Variants in PPP2R2C observed in about 807,000 individuals in gnomAD.
PPP2R2C encodes the protein protein phosphatase 2, regulatory subunit B, gamma.
In PPP2R2C, 10 loss-of-function variants were observed where a neutral mutation model predicts 45.3. The ratio of observed to expected loss-of-function variants is 0.22; its 90% CI spans 0.14 to 0.37. PPP2R2C has a LOEUF of 0.37. Ranked by LOEUF, PPP2R2C falls within the 10% of genes least tolerant of loss-of-function variation. The pLI is 1.00. For synonymous variants in PPP2R2C, 257 were observed against 245.4 expected (o/e 1.05, Z -0.44); for missense variants, 308 against 619.7 (o/e 0.50, Z 5.34).
chr4:6,550,331 G>T (rs988503065), intron 1 of PPP2R2C, among the ~76,000 whole-genome samples: 2 of 151,432 alleles, frequency 1.3e-5, no homozygotes, highest in Admixed American at 6.6e-5. Flanking sequence ...AGTGCCCTCA[G>T]GCCAGCACAT....
intron 1 of PPP2R2C, among the ~76,000 whole-genome samples, chr4:6,469,883 C>T (rs1301978888): frequency 6.6e-6 from 1 of 152,254 alleles, no homozygotes; most frequent in Non-Finnish European, 1.5e-5. Flanking sequence ...CTGCTCTCTG[C>T]ATCCGCAGCA....
intron 2 of PPP2R2C, among the ~76,000 whole-genome samples, chr4:6,512,234 TGGTGGG>T (rs1230256767): frequency 8.7e-5 from 8 of 91,464 alleles, no homozygotes; most frequent in South Asian, 8.4e-4. Flanking sequence ...GTGGTGGTGA[TGGTGGG>T]GGTGGTGGTG....
chr4:6,547,645 C>T (rs555717714), intron 1 of PPP2R2C, among the ~76,000 whole-genome samples: 1 of 152,148 alleles, frequency 6.6e-6, no homozygotes, highest in East Asian at 1.9e-4. Flanking sequence ...GCCATAGATA[C>T]ACCCAGAAGG....
exon 2 of PPP2R2C, chr4:6,535,322 T>C: frequency 6.5e-7 from 1 of 1,535,376 alleles, no homozygotes; most frequent in Non-Finnish European, 8.7e-7. Context: ...TCACGCATCC[T>C]GAGAGAGGTG....
At chr4:6,527,978 C>T (rs890880085) in intron 2 of PPP2R2C, among the ~76,000 whole-genome samples, 6 of 152,350 alleles carry the variant, frequency 3.9e-5, no homozygotes, top group African/African-American at 9.6e-5. Context: ...ACATGATCCA[C>T]GGTCCCAGCA....
intron 2 of PPP2R2C, among the ~76,000 whole-genome samples, chr4:6,521,549 G>A (rs4075006): frequency 1.3e-4 from 20 of 152,140 alleles, no homozygotes; most frequent in African/African-American, 4.6e-4. Flanking sequence ...ATTCAGTGTG[G>A]CTTCATCTCC....
At chr4:6,354,927 G>A (rs1474005690) in intron 5 of PPP2R2C, among the ~76,000 whole-genome samples, 2 of 152,082 alleles carry the variant, frequency 1.3e-5, no homozygotes, top group Non-Finnish European at 2.9e-5. Context: ...TCCCACTGCA[G>A]GGCCCTCACA....
chr4:6,414,177 T>C (rs527975102), intron 1 of PPP2R2C: 1 of 930,502 alleles, frequency 1.1e-6, no homozygotes, highest in Non-Finnish European at 1.5e-6. Flanking sequence ...GCCTTTTTCC[T>C]CCTCCTGGCT....
rs946929897 is a variant in PPP2R2C, at chr4:6,324,557, C to G, written c.1053-964G>C. ...GAGGTAGACATGGAAGCAGCTGGGA[C>G]AGAAAACCACCAGGCCCTGCTTCCC... is the stretch of plus-strand genomic sequence containing the variant. On this transcript the variant is annotated intron_variant, in intron 8 of 8. Transcript: ENST00000382599. This position sits in a 1 kb window ranked among gnomAD's most constrained non-coding sequence, Gnocchi z 4.1. Among the ~76,000 whole-genome samples the G allele has an allele frequency of 9.2e-5, 14 of 152,324 alleles. No individual in the cohort carries two copies. Among genetic ancestry groups the G allele is most frequent in the Admixed American group, 3.9e-4 (6 of 15,300 alleles).
At position 6,348,017 on chromosome 4, in the gene PPP2R2C, G is replaced by A. The variant is rs1712165666; in HGVS notation, c.626-7C>T. The A allele has an allele frequency of 5.0e-6, 8 of 1,613,264 alleles. No homozygotes were observed. The highest frequency in any genetic ancestry group is 3.3e-5 in the Admixed American group (2 of 59,968). On this transcript the variant is annotated splice_region_variant and splice_polypyrimidine_tract_variant and intron_variant, in intron 5 of 8. Coordinates refer to ENST00000382599, the MANE Select transcript of PPP2R2C (RefSeq NM_020416.4). ...GGCTTGATGTCCACGATGTCTGGGGGCAGTGCGGTCAAGGAAGGGGCAGTG... is the reference window on the plus strand; with the variant it reads ...GGCTTGATGTCCACGATGTCTGGGGACAGTGCGGTCAAGGAAGGGGCAGTG...
rs146238272 is a variant in PPP2R2C at position 6,400,431 on chromosome 4, G to C, written c.71-19337C>G. On this transcript the variant is annotated intron_variant, in intron 1 of 8. Coordinates refer to ENST00000382599, the MANE Select transcript of PPP2R2C (RefSeq NM_020416.4). Reference sequence around the variant, plus strand: ...TGAATTCATATAAATCTTTTTAACTGTCTGAGTTTTAATTTCAAAGTTGGC... The same window carrying C: ...TGAATTCATATAAATCTTTTTAACTCTCTGAGTTTTAATTTCAAAGTTGGC... Among the ~76,000 whole-genome samples the C allele has an allele frequency of 2.1e-3, 319 of 152,256 alleles. 5 individuals are homozygous for C. In the East Asian group the frequency reaches 0.032, roughly 15 times the overall value.
chr4:6,543,182 C>T (rs962698831), intron 1 of PPP2R2C, among the ~76,000 whole-genome samples: 1 of 152,194 alleles, frequency 6.6e-6, no homozygotes, highest in Admixed American at 6.5e-5. Context: ...GGCGTGGATG[C>T]ACCACCGCAG....
At chr4:6,525,564 C>G (rs903014069) in intron 2 of PPP2R2C, among the ~76,000 whole-genome samples, 1 of 152,152 alleles carries the variant, frequency 6.6e-6, no homozygotes, top group Non-Finnish European at 1.5e-5. Flanking sequence ...CATTATACCC[C>G]CTCCTTCGCT....
chr4:6,485,929 C>T (rs1430444358), intron 2 of PPP2R2C, among the ~76,000 whole-genome samples: 1 of 151,832 alleles, frequency 6.6e-6, no homozygotes, highest in Non-Finnish European at 1.5e-5. Context: ...CTTCTGCTTA[C>T]TTTGGGTTTA....
intron 1 of PPP2R2C, among the ~76,000 whole-genome samples, chr4:6,469,906 G>T (rs570290817): frequency 2.0e-5 from 3 of 152,322 alleles, no homozygotes; most frequent in Admixed American, 6.5e-5. Flanking sequence ...TGAGCCCTAT[G>T]CCCTGCACAC....
intron 5 of PPP2R2C, among the ~76,000 whole-genome samples, chr4:6,372,294 C>T (rs969695567): frequency 6.6e-6 from 1 of 152,162 alleles, no homozygotes; most frequent in Non-Finnish European, 1.5e-5. Context: ...CTGGAGGAGG[C>T]GATGGGTGCA....
chr4:6,538,322 C>T (rs1191540080), intron 1 of PPP2R2C, among the ~76,000 whole-genome samples: 1 of 152,122 alleles, frequency 6.6e-6, no homozygotes, highest in East Asian at 1.9e-4. Flanking sequence ...GACGCTTCCT[C>T]GGGGTACAGA....
At chr4:6,522,678 C>T (rs1390115102) in intron 2 of PPP2R2C, among the ~76,000 whole-genome samples, 2 of 152,262 alleles carry the variant, frequency 1.3e-5, no homozygotes, top group African/African-American at 2.4e-5. Context: ...CCACAGGGCA[C>T]GGAGGGACCA....
At chr4:6,361,531 T>A (rs1208621289) in intron 5 of PPP2R2C, among the ~76,000 whole-genome samples, 2 of 152,226 alleles carry the variant, frequency 1.3e-5, no homozygotes, top group Non-Finnish European at 2.9e-5. Flanking sequence ...TAATGAGGAT[T>A]TCACCAGATG....
Sources: allele counts gnomAD v4.1 joint callset (sites outside exome capture counted in the v4.1 genomes callset), GRCh38; gene constraint gnomAD v4.1.1; non-coding constraint Gnocchi (gnomAD v3.1); transcripts MANE v1.5; gene names NCBI Gene and HGNC (gene_info 2026-07-23, HGNC 2026-07-21).